The following DLG2 variants were observed in gnomAD, a reference collection of about 807,000 sequenced individuals.
The protein encoded by DLG2 is discs large MAGUK scaffold protein 2, also known as disks large homolog 2.
DLG2 carries 45 observed loss-of-function variants against 132.5 expected under a neutral mutation model. That is an observed-to-expected ratio of 0.34 (90% CI 0.27 to 0.44). The LOEUF (loss-of-function observed/expected upper bound fraction) is 0.44, where lower values mean the gene tolerates loss of function less well. DLG2 is among the 20% of genes least tolerant of loss of function. The probability of loss-of-function intolerance (pLI) is 1.00; values close to 1 mark genes in which losing one functional copy is unlikely to be tolerated. For missense variants in DLG2, 1,045 were observed against 1,196.9 expected, an observed-to-expected ratio of 0.87 and a Z score of 1.87; for synonymous variants, 424 against 419.6, an observed-to-expected ratio of 1.01 and a Z score of -0.13.
chr11:83,759,990 T>C (rs145038619), intron 18 of DLG2, among the ~76,000 whole-genome samples: 195 of 152,296 alleles, frequency 1.3e-3, no homozygotes, highest in African/African-American at 4.5e-3. Context: ...ATATTCAATA[T>C]GGTTTGTGAT....
At chr11:84,350,067 G>A (rs965145845) in intron 7 of DLG2, among the ~76,000 whole-genome samples, 1 of 151,076 alleles carries the variant, frequency 6.6e-6, no homozygotes, top group Non-Finnish European at 1.5e-5. Context: ...AGTCCCAGCT[G>A]CTCGGGAGGC....
intron 7 of DLG2, among the ~76,000 whole-genome samples, chr11:84,279,983 G>C (rs550218874): frequency 6.6e-6 from 1 of 152,124 alleles, no homozygotes; most frequent in Admixed American, 6.5e-5. Flanking sequence ...AGATAAGTAC[G>C]TCCCTTCTCA....
chr11:83,611,933 C>T (rs1156905083), intron 19 of DLG2, among the ~76,000 whole-genome samples: 1 of 152,070 alleles, frequency 6.6e-6, no homozygotes, highest in African/African-American at 2.4e-5. Context: ...ACTGTTTGAG[C>T]GGGAGGGAAG....
chr11:84,405,605 A>G (rs186692597), intron 7 of DLG2, among the ~76,000 whole-genome samples: 3 of 152,354 alleles, frequency 2.0e-5, no homozygotes, highest in Non-Finnish European at 4.4e-5. Flanking sequence ...AGGATAAAAC[A>G]ATGATCTTAA....
chr11:84,968,715 C>A (rs1321319678), intron 6 of DLG2, among the ~76,000 whole-genome samples: 1 of 151,996 alleles, frequency 6.6e-6, no homozygotes, highest in Non-Finnish European at 1.5e-5. Flanking sequence ...TGCAAGTCAG[C>A]AAATTATTAT....
chr11:84,109,007 G>C (rs2093164425), intron 9 of DLG2, among the ~76,000 whole-genome samples: 1 of 152,160 alleles, frequency 6.6e-6, no homozygotes, highest in South Asian at 2.1e-4. Context: ...TGGTGAGGAT[G>C]AGGAAAGCAG....
At chr11:85,086,059 C>A (rs1013719938) in intron 6 of DLG2, among the ~76,000 whole-genome samples, 3 of 152,212 alleles carry the variant, frequency 2.0e-5, no homozygotes, top group East Asian at 3.9e-4. Flanking sequence ...GTGCCCTAGA[C>A]AAATAGAAGA....
intron 6 of DLG2, among the ~76,000 whole-genome samples, chr11:84,681,493 GT>G (rs1373898950): frequency 6.6e-6 from 1 of 152,132 alleles, no homozygotes; most frequent in East Asian, 1.9e-4. Context: ...GGGGGTACCG[GT>G]TTCAGTATTT....
At chr11:84,528,540 C>A (rs2099327993) in intron 7 of DLG2, among the ~76,000 whole-genome samples, 1 of 152,166 alleles carries the variant, frequency 6.6e-6, no homozygotes, top group African/African-American at 2.4e-5. Flanking sequence ...TGTTATCCAG[C>A]AATCTCACAC....
intron 11 of DLG2, among the ~76,000 whole-genome samples, chr11:84,040,062 G>T (rs1213374094): frequency 2.6e-5 from 4 of 151,762 alleles, no homozygotes; most frequent in Non-Finnish European, 4.4e-5. Flanking sequence ...CTTTTTGATA[G>T]GGTTGTTTGT....
chr11:83,512,595 A>G (rs1418853473), intron 21 of DLG2, among the ~76,000 whole-genome samples: 1 of 151,992 alleles, frequency 6.6e-6, no homozygotes, highest in African/African-American at 2.4e-5. Context: ...GGTTTGTTAC[A>G]TATGTATACA....
chr11:84,086,415 C>T (rs570147622), intron 10 of DLG2, among the ~76,000 whole-genome samples: 1 of 151,944 alleles, frequency 6.6e-6, no homozygotes, highest in Non-Finnish European at 1.5e-5. Flanking sequence ...TTTTTTAGTA[C>T]AGTCACAGAG....
intron 18 of DLG2, among the ~76,000 whole-genome samples, chr11:83,716,027 C>T (rs1395413262): frequency 6.6e-6 from 1 of 152,152 alleles, no homozygotes; most frequent in African/African-American, 2.4e-5. Flanking sequence ...AAACTGGATT[C>T]TAAGCTCTGT....
intron 11 of DLG2, among the ~76,000 whole-genome samples, chr11:84,054,726 C>A (rs889089356): frequency 6.6e-6 from 1 of 151,988 alleles, no homozygotes; most frequent in Non-Finnish European, 1.5e-5. Flanking sequence ...TAGACCAAAT[C>A]AATACAGAGT....
intron 18 of DLG2, among the ~76,000 whole-genome samples, chr11:83,778,442 C>A (rs367759299): frequency 6.6e-6 from 1 of 152,152 alleles, no homozygotes; most frequent in East Asian, 1.9e-4. Context: ...TGTCAACATA[C>A]CCCTCAAATA....
At chr11:84,450,865 G>A (rs2099049585) in intron 7 of DLG2, among the ~76,000 whole-genome samples, 1 of 150,488 alleles carries the variant, frequency 6.6e-6, no homozygotes, top group East Asian at 1.9e-4. Flanking sequence ...CATGCCTGGT[G>A]CATAATAAGT....
intron 6 of DLG2, among the ~76,000 whole-genome samples, chr11:84,826,466 T>C (rs1041546610): frequency 6.6e-6 from 1 of 151,906 alleles, no homozygotes; most frequent in African/African-American, 2.4e-5. Context: ...TCCAATCACA[T>C]AGCTTGTAGT....
chr11:84,197,700 G>A (rs750291519), intron 8 of DLG2, among the ~76,000 whole-genome samples: 10 of 152,126 alleles, frequency 6.6e-5, no homozygotes, highest in Non-Finnish European at 1.2e-4. Context: ...ACAACAAAGC[G>A]TGGCACATTA....
chr11:84,961,671 C>A (rs1310878106), intron 6 of DLG2, among the ~76,000 whole-genome samples: 1 of 152,014 alleles, frequency 6.6e-6, no homozygotes, highest in Admixed American at 6.6e-5. Flanking sequence ...GCCAAAAATA[C>A]TGTGAAATGA....
Sources: gnomAD v4.1 joint callset for allele counts (sites outside exome capture counted in the v4.1 genomes callset) on GRCh38, gnomAD v4.1.1 for gene constraint, MANE v1.5 for transcripts, NCBI Gene and HGNC (gene_info 2026-07-23, HGNC 2026-07-21) for gene names.